Variants in CLEC4C observed in about 807,000 individuals in gnomAD.
CLEC4C encodes the protein C-type lectin domain family 4 member C, also known as C-type (calcium dependent, carbohydrate-recognition domain) lectin, superfamily member 11.
CLEC4C carries 17 observed loss-of-function variants against 27.7 expected under a neutral mutation model. The observed-to-expected ratio is 0.61, with a 90% CI of 0.42 to 0.92. The LOEUF is 0.92. Ranked by LOEUF, CLEC4C falls within the 40% of genes least tolerant of loss-of-function variation. The pLI is 0.00. For synonymous variants in CLEC4C, 80 were observed against 80.8 expected (o/e 0.99, Z 0.06); for missense variants, 244 against 257.3 (o/e 0.95, Z 0.35).
chr12:7,746,518 G>C (rs1449275524), intron 1 of CLEC4C, 95 bp from the exon 2 acceptor site: 4 of 736,598 alleles, frequency 5.4e-6, no homozygotes, highest in African/African-American at 5.4e-5. Context: ...ATAAAGTCAG[G>C]CTATGATCAA....
intron 2 of CLEC4C, among the ~76,000 whole-genome samples, chr12:7,741,978 G>A (rs915001221): frequency 2.0e-5 from 3 of 151,962 alleles, no homozygotes; most frequent in Non-Finnish European, 4.4e-5. Flanking sequence ...CCGAGACCGC[G>A]CCATTGCACT....
chr12:7,749,508 T>C (rs192644927), upstream of CLEC4C: 1 of 151,702 alleles, frequency 6.6e-6, no homozygotes, highest in Non-Finnish European at 1.5e-5. Context: ...TGAGCCGTAA[T>C]CGTACCACTT....
At chr12:7,730,541 G>A (rs1864571653) in intron 5 of CLEC4C, among the ~76,000 whole-genome samples, 1 of 151,704 alleles carries the variant, frequency 6.6e-6, no homozygotes, top group African/African-American at 2.4e-5. Flanking sequence ...TCAGGAGACT[G>A]AGGCAGGAGA....
intron 2 of CLEC4C, among the ~76,000 whole-genome samples, chr12:7,742,864 G>A (rs1290528538): frequency 1.3e-5 from 2 of 149,924 alleles, no homozygotes; most frequent in Admixed American, 1.3e-4. Context: ...TAAACGTTAT[G>A]CTCTTACAAA....
chr12:7,738,624 A>G (rs910237644), intron 3 of CLEC4C, among the ~76,000 whole-genome samples: 4 of 151,894 alleles, frequency 2.6e-5, no homozygotes, highest in African/African-American at 9.7e-5. Context: ...TCAGCCTCCC[A>G]AGTAGCTGGA....
chr12:7,739,892 T>C (rs1864815405), intron 3 of CLEC4C, among the ~76,000 whole-genome samples: 2 of 151,106 alleles, frequency 1.3e-5, no homozygotes, highest in Non-Finnish European at 2.9e-5. Context: ...TTGTCCAGGC[T>C]GGGACAATCT....
chr12:7,748,858 C>T (rs1865042568), upstream of CLEC4C, among the ~76,000 whole-genome samples: 1 of 152,134 alleles, frequency 6.6e-6, no homozygotes, highest in Admixed American at 6.6e-5. Flanking sequence ...ATTATTTTCT[C>T]AGAAGAAAAG....
chr12:7,743,102 A>G (rs913415039), intron 2 of CLEC4C, among the ~76,000 whole-genome samples: 2 of 152,216 alleles, frequency 1.3e-5, no homozygotes, highest in African/African-American at 2.4e-5. Context: ...CAGCACCTAG[A>G]AAAGTGGCCT....
At position 7,746,344 on chromosome 12, in the gene CLEC4C, A is replaced by G; in HGVS notation, c.111T>C (p.Thr37=). The G allele has an allele frequency of 6.2e-7, 1 of 1,611,976 alleles. No homozygotes were observed. Among genetic ancestry groups the G allele is most frequent in the Non-Finnish European group, 8.5e-7 (1 of 1,178,112 alleles). Residue 37 remains threonine (T), a synonymous_variant, in exon 2 of 6, where the codon ACT becomes ACC. Transcript: ENST00000360345. Reference sequence around the variant, plus strand: ...CCAAGAACTTACCCACAGAACTCACAGTGAAACAGACACTGAGGAGCAAGA... The same window carrying G: ...CCAAGAACTTACCCACAGAACTCACGGTGAAACAGACACTGAGGAGCAAGA... The part of the protein sequence containing the change: ...VSILLLSVCF[T]VSSVVPHNFM...
At chr12:7,739,669 T>TCA (rs1416878783) in intron 3 of CLEC4C, among the ~76,000 whole-genome samples, 1 of 149,656 alleles carries the variant, frequency 6.7e-6, no homozygotes, top group Non-Finnish European at 1.5e-5. Context: ...ATAAAGCTGA[T>TCA]AATTTTATTT....
At chr12:7,738,270 A>C (rs1436673128) in intron 3 of CLEC4C, among the ~76,000 whole-genome samples, 1 of 152,156 alleles carries the variant, frequency 6.6e-6, no homozygotes, top group African/African-American at 2.4e-5. Context: ...TTCGTTTGTA[A>C]ATGGGAATAT....
At chr12:7,732,926 C>A (rs1054892021) in intron 4 of CLEC4C, among the ~76,000 whole-genome samples, 3 of 151,524 alleles carry the variant, frequency 2.0e-5, no homozygotes, top group Admixed American at 2.0e-4. Context: ...CCAGTCTCGG[C>A]GACAGAGGGA....
rs768272139 is a variant in CLEC4C, at chr12:7,746,435, G to A, written c.32-12C>T. The A allele has an allele frequency of 2.5e-6, 4 of 1,578,996 alleles. No individual in the cohort carries two copies. The highest frequency in any genetic ancestry group is 3.5e-6 in the Non-Finnish European group (4 of 1,148,678). The stretch of plus-strand genomic sequence containing the variant: ...CCAGAGTCCTTTCTCTGTCAGATCA[G>A]CATGACAAATGCACAGTCATAATCC... On this transcript the variant is annotated splice_polypyrimidine_tract_variant and intron_variant, in intron 1 of 5. Transcript: ENST00000360345.
At chr12:7,747,941 G>T (rs1238163961), upstream of CLEC4C, among the ~76,000 whole-genome samples, 5 of 59,220 alleles carry the variant, frequency 8.4e-5, no homozygotes, top group South Asian at 2.6e-3. Context: ...AAAAAAAAAA[G>T]CCTCTTTCAT....
At chr12:7,731,796 T>C (rs1464684220) in intron 4 of CLEC4C, among the ~76,000 whole-genome samples, 1 of 152,142 alleles carries the variant, frequency 6.6e-6, no homozygotes, top group Non-Finnish European at 1.5e-5. Flanking sequence ...AAATTCTCCC[T>C]CACTCCTAAT....
chr12:7,736,214 C>T lies in CLEC4C; in HGVS notation c.381+1215G>A, dbSNP rs188000252. On this transcript the variant is annotated intron_variant, in intron 4 of 5. Coordinates refer to ENST00000360345, the MANE Select transcript of CLEC4C (RefSeq NM_001371390.1). Reference sequence around the variant, plus strand: ...AGGAGAATCGCTTGAACCTGGGAGGCGGAGGTTGCAGTGAGCCAAGACCGT... The same window carrying T: ...AGGAGAATCGCTTGAACCTGGGAGGTGGAGGTTGCAGTGAGCCAAGACCGT... Among the ~76,000 whole-genome samples the T allele has an allele frequency of 1.4e-3, 216 of 151,942 alleles. 1 individual carries two copies. Among genetic ancestry groups the T allele is most frequent in the African/African-American group, 5.1e-3 (211 of 41,470 alleles).
chr12:7,730,673 T>G, intron 5 of CLEC4C, 124 bp downstream of exon 5: 3 of 519,564 alleles, frequency 5.8e-6, no homozygotes, highest in East Asian at 6.5e-5. Flanking sequence ...ACCCTTGATG[T>G]CAAATAGACC....
chr12:7,734,226 T>C (rs2120375565), intron 4 of CLEC4C, among the ~76,000 whole-genome samples: 1 of 152,298 alleles, frequency 6.6e-6, no homozygotes, highest in East Asian at 1.9e-4. Context: ...AGCAGTCTAT[T>C]GTCTGCCCAG....
rs1041296282 is a variant in CLEC4C at position 7,735,708 on chromosome 12, G to C, written c.381+1721C>G. On this transcript the variant is annotated intron_variant, in intron 4 of 5. Coordinates refer to ENST00000360345, the MANE Select transcript of CLEC4C (RefSeq NM_001371390.1). ...TAATCCCAGCTACTCGGGAGACAGAGAGGAGAATCGCTTGAACGCAGGAGG... is the reference window on the plus strand; with the variant it reads ...TAATCCCAGCTACTCGGGAGACAGACAGGAGAATCGCTTGAACGCAGGAGG... Among the ~76,000 whole-genome samples, 702 of 149,726 alleles carry C rather than the reference G, an allele frequency of 4.7e-3. 4 individuals are homozygous for C. The highest frequency in any genetic ancestry group is 0.016 in the African/African-American group (664 of 40,666).
Sources: gnomAD v4.1 joint callset for allele counts (sites outside exome capture counted in the v4.1 genomes callset) on GRCh38, gnomAD v4.1.1 for gene constraint, MANE v1.5 for transcripts, NCBI Gene and HGNC (gene_info 2026-07-23, HGNC 2026-07-21) for gene names.